FHIT: variants seen among roughly 807,000 people sequenced by gnomAD.
FHIT encodes the protein bis(5'-adenosyl)-triphosphatase.
A neutral mutation model predicts 17.9 loss-of-function variants in FHIT; 19 were observed. The ratio of observed to expected loss-of-function variants is 1.06; its 90% CI spans 0.74 to 1.56. The LOEUF is 1.56. Among genes scored for constraint, FHIT ranks in the 40% most tolerant of loss-of-function variants. The pLI, the probability that FHIT is intolerant of heterozygous loss-of-function variation, is 0.00. For missense variants in FHIT, 248 were observed against 189.2 expected, an observed-to-expected ratio of 1.31 and a Z score of -1.82; for synonymous variants, 81 against 69.7, an observed-to-expected ratio of 1.16 and a Z score of -0.81.
At chr3:59,798,158 C>G (rs6774343) in intron 8 of FHIT, among the ~76,000 whole-genome samples, 91,440 of 151,950 alleles carry the variant, frequency 0.6, 28,305 homozygotes, top group Middle Eastern at 0.71. Context: ...CCCTTTTTGG[C>G]TGGTAGTATT....
At chr3:60,251,782 C>T (rs1347150368) in intron 5 of FHIT, among the ~76,000 whole-genome samples, 1 of 152,172 alleles carries the variant, frequency 6.6e-6, no homozygotes, top group East Asian at 1.9e-4. Context: ...CCATTTCCAC[C>T]TATGGAAATC....
chr3:60,327,215 C>T (rs1197242934), intron 5 of FHIT, among the ~76,000 whole-genome samples: 2 of 152,208 alleles, frequency 1.3e-5, no homozygotes, highest in Non-Finnish European at 2.9e-5. Context: ...AAAATGTGCT[C>T]CACCAGGGAA....
intron 2 of FHIT, among the ~76,000 whole-genome samples, chr3:61,168,753 C>T (rs183773148): frequency 6.0e-4 from 92 of 152,320 alleles, no homozygotes; most frequent in Non-Finnish European, 1.1e-3. Context: ...CAAGTGCATA[C>T]GCTCAATTAT....
chr3:61,216,062 C>T (rs2039665054), intron 1 of FHIT, among the ~76,000 whole-genome samples: 1 of 152,072 alleles, frequency 6.6e-6, no homozygotes, highest in South Asian at 2.1e-4. Context: ...CTAGGCATTA[C>T]CATTCAGGAC....
intron 7 of FHIT, among the ~76,000 whole-genome samples, chr3:59,928,602 A>T (rs1705791107): frequency 6.6e-6 from 1 of 152,248 alleles, no homozygotes; most frequent in African/African-American, 2.4e-5. Flanking sequence ...ACATTTCTCC[A>T]AAGAGGATGG....
intron 8 of FHIT, among the ~76,000 whole-genome samples, chr3:59,792,068 CTA>C (rs1192116530): frequency 9.1e-6 from 1 of 109,514 alleles, no homozygotes; most frequent in Non-Finnish European, 2.1e-5. Context: ...CTATGGTAGT[CTA>C]TGTCTTGGTT....
At chr3:60,457,215 A>C (rs1457545969) in intron 5 of FHIT, among the ~76,000 whole-genome samples, 2 of 152,084 alleles carry the variant, frequency 1.3e-5, no homozygotes, top group Non-Finnish European at 2.9e-5. Flanking sequence ...ACAGCATGGT[A>C]CTGGTACCAA....
chr3:60,077,729 C>G (rs4019408), intron 5 of FHIT, among the ~76,000 whole-genome samples: 6 of 67,246 alleles, frequency 8.9e-5, no homozygotes, highest in South Asian at 4.4e-4. Context: ...CACACACACA[C>G]ATATATAGAG....
chr3:59,758,953 C>A (rs1701361473), intron 8 of FHIT, among the ~76,000 whole-genome samples: 2 of 151,852 alleles, frequency 1.3e-5, no homozygotes, highest in Non-Finnish European at 2.9e-5. Context: ...TTCATGGATG[C>A]ATGGGAGTCA....
intron 3 of FHIT, among the ~76,000 whole-genome samples, chr3:60,870,003 A>G (rs1333231702): frequency 6.6e-6 from 1 of 152,294 alleles, no homozygotes; most frequent in East Asian, 1.9e-4. Flanking sequence ...TTTTCCTTAT[A>G]AAGACTTGCA....
intron 4 of FHIT, among the ~76,000 whole-genome samples, chr3:60,794,479 G>C (rs1304851112): frequency 6.6e-6 from 1 of 152,012 alleles, no homozygotes; most frequent in African/African-American, 2.4e-5. Context: ...TTCTGAAATA[G>C]GCTGTCTTAT....
At chr3:60,977,471 T>A (rs544764402) in intron 3 of FHIT, among the ~76,000 whole-genome samples, 50 of 152,322 alleles carry the variant, frequency 3.3e-4, no homozygotes, top group African/African-American at 8.7e-4. Context: ...AGCTATTGTC[T>A]GGATTGAACA....
chr3:60,866,290 G>C (rs576128034), intron 3 of FHIT, among the ~76,000 whole-genome samples: 39 of 152,294 alleles, frequency 2.6e-4, no homozygotes, highest in African/African-American at 8.9e-4. Flanking sequence ...GCTGACCTGT[G>C]TAAGCAATAA....
At chr3:60,089,831 C>A (rs1465637889) in intron 5 of FHIT, among the ~76,000 whole-genome samples, 1 of 152,102 alleles carries the variant, frequency 6.6e-6, no homozygotes, top group African/African-American at 2.4e-5. Flanking sequence ...ATGGCAACAT[C>A]TCGTAATATT....
At chr3:59,907,973 T>C (rs1198501320) in intron 8 of FHIT, among the ~76,000 whole-genome samples, 1 of 152,230 alleles carries the variant, frequency 6.6e-6, no homozygotes. Context: ...ACTACTTATT[T>C]TGCCTCTCTC....
intron 5 of FHIT, among the ~76,000 whole-genome samples, chr3:60,377,502 T>C (rs1452254395): frequency 2.1e-5 from 2 of 94,828 alleles, no homozygotes; most frequent in Non-Finnish European, 4.0e-5. Flanking sequence ...TGAGACGGAG[T>C]CTCGCTCTGT....
At chr3:60,328,444 A>G (rs575514368) in intron 5 of FHIT, among the ~76,000 whole-genome samples, 2 of 152,328 alleles carry the variant, frequency 1.3e-5, no homozygotes, top group South Asian at 2.1e-4. Flanking sequence ...CATGTCTGAC[A>G]TGACAGCAAG....
intron 5 of FHIT, among the ~76,000 whole-genome samples, chr3:60,425,601 C>A (rs1702632614): frequency 1.3e-5 from 2 of 151,882 alleles, no homozygotes; most frequent in African/African-American, 4.8e-5. Context: ...TCCCTTTTTT[C>A]CTTATAGAAA....
intron 8 of FHIT, among the ~76,000 whole-genome samples, chr3:59,897,321 T>A (rs1258359818): frequency 6.6e-6 from 1 of 152,200 alleles, no homozygotes; most frequent in Non-Finnish European, 1.5e-5. Flanking sequence ...CTCCCTATAG[T>A]CTGCAAACTC....
Sources: allele counts gnomAD v4.1 joint callset (sites outside exome capture counted in the v4.1 genomes callset), GRCh38; gene constraint gnomAD v4.1.1; transcripts MANE v1.5; gene names NCBI Gene and HGNC (gene_info 2026-07-23, HGNC 2026-07-21).